PTPRD: variants seen among roughly 807,000 people sequenced by gnomAD.
PTPRD encodes the protein protein tyrosine phosphatase receptor type D.
PTPRD carries 34 observed loss-of-function variants against 214.5 expected under a neutral mutation model. The observed-to-expected ratio is 0.16, with a 90% confidence interval of 0.12 to 0.21. The LOEUF is 0.21. Ranked by LOEUF, PTPRD falls within the 10% of genes least tolerant of loss-of-function variation. PTPRD has a pLI of 1.00. For missense variants in PTPRD, 2,545 were observed against 2,398.7 expected (o/e 1.06, Z -1.27); for synonymous variants, 1,128 against 845.7 (o/e 1.33, Z -5.79).
intron 3 of PTPRD, among the ~76,000 whole-genome samples, chr9:10,056,101 C>A (rs2097640839): frequency 6.6e-6 from 1 of 151,598 alleles, no homozygotes; most frequent in South Asian, 2.1e-4. Flanking sequence ...GGTGAGCGGA[C>A]CATGAGGTCA....
At position 8,465,334 on chromosome 9, in the gene PTPRD, C is replaced by G; in HGVS notation, c.3714+132G>C. ...GAGCAATGTTCAAAGAGTAGGCAGC[C>G]TGTTATTACACTTAATAACAGTTCA... is the stretch of plus-strand genomic sequence containing the variant. On this transcript the variant is annotated intron_variant, in intron 32 of 45. Transcript: ENST00000381196. The G allele has an allele frequency of 5.2e-6, 4 of 766,444 alleles. No homozygotes were observed. The South Asian group carries it at 7.1e-5, about 14-fold the overall frequency. 47.5% of individuals were successfully genotyped at this position (766,444 alleles called of 1,614,324 possible).
intron 3 of PTPRD, among the ~76,000 whole-genome samples, chr9:10,269,413 G>A (rs2094294233): frequency 6.6e-6 from 1 of 152,148 alleles, no homozygotes; most frequent in South Asian, 2.1e-4. Context: ...ATGTGCATGT[G>A]TAAGTTTTAA....
intron 11 of PTPRD, among the ~76,000 whole-genome samples, chr9:8,763,373 G>A (rs1331223764): frequency 6.6e-6 from 1 of 151,914 alleles, no homozygotes; most frequent in African/African-American, 2.4e-5. Context: ...AATTAGCTGG[G>A]TATGGTGGCT....
At chr9:9,816,910 GAAA>G (rs34409504) in intron 5 of PTPRD, among the ~76,000 whole-genome samples, 36 of 151,410 alleles carry the variant, frequency 2.4e-4, no homozygotes, top group South Asian at 8.3e-4. Context: ...TAATAATAAA[GAAA>G]AAAAAGTTTG....
chr9:8,633,286 C>T (rs2154320041), intron 14 of PTPRD, 31 bp downstream of exon 14: 1 of 1,600,948 alleles, frequency 6.2e-7, no homozygotes. Flanking sequence ...GTAACAATGA[C>T]ACAAACGACA....
intron 5 of PTPRD, among the ~76,000 whole-genome samples, chr9:9,851,509 C>CA (rs1367578872): frequency 6.6e-6 from 1 of 152,204 alleles, no homozygotes; most frequent in African/African-American, 2.4e-5. Flanking sequence ...TCACATTCTT[C>CA]AAGCAACTAT....
At chr9:10,521,575 G>A (rs1275745664) in intron 2 of PTPRD, among the ~76,000 whole-genome samples, 1 of 152,188 alleles carries the variant, frequency 6.6e-6, no homozygotes, top group African/African-American at 2.4e-5. Context: ...AGCATTGCAT[G>A]CTGCAGAGAA....
At chr9:9,442,170 C>G (rs1007533795) in intron 8 of PTPRD, 2 of 152,190 alleles carry the variant, frequency 1.3e-5, no homozygotes, top group African/African-American at 4.8e-5. Flanking sequence ...GATCGGGTGT[C>G]CGCACTAAGT....
rs761125052 is a variant in PTPRD at position 10,405,018 on chromosome 9, T to A, written c.-599-64001A>T. Among the ~76,000 whole-genome samples the A allele has an allele frequency of 1.7e-4, 19 of 113,420 alleles. 9 individuals are homozygous for A. Among genetic ancestry groups the A allele is most frequent in the Non-Finnish European group, 3.0e-4 (16 of 52,930 alleles). 74.4% of individuals were successfully genotyped at this position (113,420 alleles called of 152,430 possible). A position where few individuals can be genotyped will look rare whatever the true frequency, so the allele number is the denominator to read the frequency against. On this transcript the variant is annotated intron_variant, in intron 2 of 45. Transcript: ENST00000381196. The stretch of plus-strand genomic sequence containing the variant: ...ACTGTGGCAATGGAAAGGGCCAGCT[T>A]CAGACTGATGTAATTTCATCCCTTC...
chr9:10,368,063 G>A (rs1370904018), intron 2 of PTPRD, among the ~76,000 whole-genome samples: 1 of 152,068 alleles, frequency 6.6e-6, no homozygotes, highest in East Asian at 1.9e-4. Flanking sequence ...TATAGCAGGT[G>A]TTTTCAACCA....
chr9:9,348,650 G>A (rs573150576), intron 9 of PTPRD, among the ~76,000 whole-genome samples: 1 of 152,098 alleles, frequency 6.6e-6, no homozygotes, highest in Admixed American at 6.6e-5. Flanking sequence ...TTGTACCCAA[G>A]TACAATGTCT....
At chr9:10,230,586 C>G (rs1372422088) in intron 3 of PTPRD, among the ~76,000 whole-genome samples, 4 of 151,920 alleles carry the variant, frequency 2.6e-5, no homozygotes, top group African/African-American at 9.7e-5. Flanking sequence ...TGTTTTCCTT[C>G]TGCCTAATAT....
intron 9 of PTPRD, among the ~76,000 whole-genome samples, chr9:9,293,555 G>A (rs896771383): frequency 4.0e-5 from 6 of 151,484 alleles, no homozygotes; most frequent in Non-Finnish European, 7.4e-5. Flanking sequence ...ACATATGAAA[G>A]TTGAATGTGT....
At position 10,252,491 on chromosome 9, in the gene PTPRD, T is replaced by C. The variant is rs147128964; in HGVS notation, c.-545+88472A>G. Among the ~76,000 whole-genome samples the C allele has an allele frequency of 1.7e-3, 254 of 152,170 alleles. 1 individual carries two copies. The highest frequency in any genetic ancestry group is 5.5e-3 in the African/African-American group (227 of 41,520). On this transcript the variant is annotated intron_variant, in intron 3 of 45. Coordinates refer to ENST00000381196, the MANE Select transcript of PTPRD (RefSeq NM_002839.4). ...CCAGCCTCCTCCATTGTCTCCCCCATTTTCATGAGAAACCCTGAGGGAAAG... is the reference window on the plus strand; with the variant it reads ...CCAGCCTCCTCCATTGTCTCCCCCACTTTCATGAGAAACCCTGAGGGAAAG...
At chr9:9,842,894 A>C (rs1267522640) in intron 5 of PTPRD, among the ~76,000 whole-genome samples, 1 of 152,048 alleles carries the variant, frequency 6.6e-6, no homozygotes, top group African/African-American at 2.4e-5. Context: ...GTGATATTCT[A>C]TAAGTAAAAT....
intron 2 of PTPRD, among the ~76,000 whole-genome samples, chr9:10,467,230 T>C (rs2099000817): frequency 6.6e-6 from 1 of 152,222 alleles, no homozygotes; most frequent in African/African-American, 2.4e-5. Flanking sequence ...CTCTCAATAG[T>C]TGTGGGATGT....
chr9:9,940,015 T>G (rs547845581), intron 4 of PTPRD, among the ~76,000 whole-genome samples: 16 of 152,322 alleles, frequency 1.1e-4, no homozygotes, highest in African/African-American at 3.1e-4. Flanking sequence ...TGAAAACAGA[T>G]GGCACTTTCA....
intron 3 of PTPRD, among the ~76,000 whole-genome samples, chr9:10,146,767 T>C (rs13300706): frequency 0.1 from 15,544 of 151,492 alleles, 942 homozygotes; most frequent in Non-Finnish European, 0.14. Context: ...CTTGGTGGAA[T>C]GGGAGAAGAA....
intron 5 of PTPRD, among the ~76,000 whole-genome samples, chr9:9,783,911 G>A (rs2154492041): frequency 6.7e-6 from 1 of 149,364 alleles, no homozygotes; most frequent in Admixed American, 6.7e-5. Flanking sequence ...AAGTGATACT[G>A]AAGGCAACTG....
Sources: allele counts gnomAD v4.1 joint callset (sites outside exome capture counted in the v4.1 genomes callset), GRCh38; gene constraint gnomAD v4.1.1; transcripts MANE v1.5; gene names NCBI Gene and HGNC (gene_info 2026-07-23, HGNC 2026-07-21).